Variants in UMAD1 observed in about 807,000 individuals in gnomAD.
UMAD1 encodes the protein UBAP1-MVB12-associated (UMA) domain containing 1.
A neutral mutation model predicts 6.1 loss-of-function variants in UMAD1; 8 were observed. The ratio of observed to expected loss-of-function variants is 1.30; its 90% CI spans 0.76 to 2.35. The LOEUF is 2.35. Ranked by LOEUF, UMAD1 falls within the 30% of genes most tolerant of loss-of-function variation. UMAD1 has a pLI of 0.00. For synonymous variants in UMAD1, 56 were observed against 31.4 expected, an observed-to-expected ratio of 1.78 and a Z score of -2.61; for missense variants, 130 against 78.4, an observed-to-expected ratio of 1.66 and a Z score of -2.49.
chr7:7,674,389 C>G (rs190006954), intron 2 of UMAD1, among the ~76,000 whole-genome samples: 233 of 152,304 alleles, frequency 1.5e-3, no homozygotes, highest in African/African-American at 5.3e-3. Flanking sequence ...TAAGGGTAAT[C>G]TCTGTGAGAC....
intron 1 of UMAD1, among the ~76,000 whole-genome samples, chr7:7,642,407 C>T (rs1165328471): frequency 6.6e-6 from 1 of 152,116 alleles, no homozygotes; most frequent in East Asian, 1.9e-4. Flanking sequence ...CTCCCTCCCC[C>T]GTCTCCCTCC....
At position 7,877,429 on chromosome 7, in the gene UMAD1, G is replaced by A. The variant is rs191854275; in HGVS notation, c.305G>A (p.Gly102Asp). Residue 102 changes from glycine (G) to aspartate (D), a missense_variant, in exon 4 of 4, where the codon GGC (glycine) becomes GAC (aspartate). Coordinates refer to ENST00000682710, the MANE Select transcript of UMAD1 (RefSeq NM_001302348.2). Reference sequence around the variant, plus strand: ...GCCCCGCATGTGCTGGCAGTACAGGGCACCATCACTGACCTTCCCGACCAC... The same window carrying A: ...GCCCCGCATGTGCTGGCAGTACAGGACACCATCACTGACCTTCCCGACCAC... ...TLAPHVLAVQ[G>D]TITDLPDHLL... The A allele has an allele frequency of 2.2e-4, 161 of 717,698 alleles. No homozygotes were observed. In the East Asian group the frequency reaches 4.2e-3, roughly 19 times the overall value. 44.5% of individuals were successfully genotyped at this position (717,698 alleles called of 1,614,324 possible). A position where few individuals can be genotyped will look rare whatever the true frequency, so the allele number is the denominator to read the frequency against.
chr7:7,686,287 A>G (rs149862958), intron 2 of UMAD1, among the ~76,000 whole-genome samples: 2 of 152,268 alleles, frequency 1.3e-5, no homozygotes, highest in East Asian at 1.9e-4. Flanking sequence ...CAGGGCCACT[A>G]TTGGGAAGTG....
At chr7:7,839,134 C>G (rs17494974) in intron 3 of UMAD1, among the ~76,000 whole-genome samples, 13,168 of 152,150 alleles carry the variant, frequency 0.087, 664 homozygotes, top group Middle Eastern at 0.12. Flanking sequence ...ATTATAGTAT[C>G]TCGTCATTGT....
At chr7:7,670,712 A>C (rs1583715991) in intron 1 of UMAD1, among the ~76,000 whole-genome samples, 3 of 152,336 alleles carry the variant, frequency 2.0e-5, no homozygotes, top group Admixed American at 2.0e-4. Flanking sequence ...CATGAACTAA[A>C]AAGACAAGTA....
At chr7:7,681,799 T>C (rs1191756457) in intron 2 of UMAD1, among the ~76,000 whole-genome samples, 1 of 152,182 alleles carries the variant, frequency 6.6e-6, no homozygotes, top group African/African-American at 2.4e-5. Flanking sequence ...GACATTATCT[T>C]TAAGTTGATT....
chr7:7,644,223 T>C (rs1212127664), intron 1 of UMAD1, among the ~76,000 whole-genome samples: 1 of 152,190 alleles, frequency 6.6e-6, no homozygotes, highest in African/African-American at 2.4e-5. Flanking sequence ...TGGTTATTTA[T>C]GTTTATCTTT....
chr7:7,645,764 T>G (rs1490392578), intron 1 of UMAD1, among the ~76,000 whole-genome samples: 1 of 152,176 alleles, frequency 6.6e-6, no homozygotes, highest in Non-Finnish European at 1.5e-5. Flanking sequence ...GGTTATGATA[T>G]ATTGTCTTTT....
chr7:7,802,884 T>C (rs6962527), intron 3 of UMAD1, among the ~76,000 whole-genome samples: 139,220 of 152,296 alleles, frequency 0.91, 63,761 homozygotes, highest in African/African-American at 0.97. Context: ...TTATTTTTTA[T>C]ATTTATATTT....
At chr7:7,742,705 G>A (rs1781496104) in intron 2 of UMAD1, 1 of 227,208 alleles carries the variant, frequency 4.4e-6, no homozygotes, top group Admixed American at 5.3e-5. Context: ...TCAAACATTT[G>A]AAATTCTGTA....
Position 7,769,979 on chromosome 7 carries a change from G to T in UMAD1, c.83-31691G>T, listed in dbSNP as rs560227986. Reference sequence around the variant, plus strand: ...CTCTGGTACAGATTTATGATTTCCAGCCTCAGCTCAGTGCTCAGGATGACT... The same window carrying T: ...CTCTGGTACAGATTTATGATTTCCATCCTCAGCTCAGTGCTCAGGATGACT... On this transcript the variant is annotated intron_variant, in intron 2 of 3. Transcript: ENST00000682710. Among the ~76,000 whole-genome samples, 3 of 152,270 alleles carry T rather than the reference G, an allele frequency of 2.0e-5. No homozygotes were observed. The South Asian group carries it at 6.2e-4, about 32-fold the overall frequency.
chr7:7,648,449 TTC>T (rs759210536), intron 1 of UMAD1, among the ~76,000 whole-genome samples: 24 of 152,248 alleles, frequency 1.6e-4, no homozygotes, highest in Non-Finnish European at 3.4e-4. Context: ...GATTCATTTT[TTC>T]TCTCTTTTGT....
intron 2 of UMAD1, chr7:7,735,874 TTG>T (rs1335669911): frequency 9.2e-5 from 14 of 152,246 alleles, no homozygotes; most frequent in African/African-American, 3.4e-4. Flanking sequence ...GCTATAGGAA[TTG>T]TGTTTCTAAA....
chr7:7,677,320 G>C (rs1197021567), intron 2 of UMAD1, among the ~76,000 whole-genome samples: 1 of 151,370 alleles, frequency 6.6e-6, no homozygotes, highest in Non-Finnish European at 1.5e-5. Flanking sequence ...TCACCCTATT[G>C]TGCTACCAAA....
intron 2 of UMAD1, among the ~76,000 whole-genome samples, chr7:7,687,788 A>T (rs1007961020): frequency 2.0e-5 from 3 of 152,238 alleles, no homozygotes; most frequent in African/African-American, 7.2e-5. Context: ...ATGATATTCA[A>T]GGTTTACACT....
At chr7:7,668,041 C>T (rs28916008) in intron 1 of UMAD1, among the ~76,000 whole-genome samples, 146 of 152,174 alleles carry the variant, frequency 9.6e-4, no homozygotes, top group African/African-American at 3.1e-3. Context: ...CTCAGCCTCC[C>T]GATTAGCTGG....
intron 1 of UMAD1, among the ~76,000 whole-genome samples, chr7:7,667,156 T>TA (rs1779486470): frequency 6.6e-6 from 1 of 152,198 alleles, no homozygotes; most frequent in Non-Finnish European, 1.5e-5. Context: ...AGCTCCAGGA[T>TA]CCCTGAGTAT....
chr7:7,799,677 G>T (rs1212607599), intron 2 of UMAD1, among the ~76,000 whole-genome samples: 1 of 152,150 alleles, frequency 6.6e-6, no homozygotes, highest in East Asian at 1.9e-4. Flanking sequence ...ACAGACATTT[G>T]TATCACCTTG....
At chr7:7,658,276 T>C (rs536184975) in intron 1 of UMAD1, among the ~76,000 whole-genome samples, 2 of 152,390 alleles carry the variant, frequency 1.3e-5, no homozygotes, top group South Asian at 2.1e-4. Context: ...TTTGGCTTCC[T>C]CTTTTCCTAT....
Sources: allele counts gnomAD v4.1 joint callset (sites outside exome capture counted in the v4.1 genomes callset), GRCh38; gene constraint gnomAD v4.1.1; transcripts MANE v1.5; gene names NCBI Gene and HGNC (gene_info 2026-07-23, HGNC 2026-07-21).